The following ZFYVE16 variants were observed in gnomAD, a reference collection of about 807,000 sequenced individuals.
The protein encoded by ZFYVE16 is zinc finger FYVE-type containing 16, also known as zinc finger FYVE domain-containing protein 16.
Under a neutral mutation model 138.1 loss-of-function variants are expected in ZFYVE16, and 89 were observed. That is an observed-to-expected ratio of 0.64 (90% CI 0.54 to 0.77). ZFYVE16 has a LOEUF of 0.77. Among genes scored for constraint, ZFYVE16 ranks in the 30% least tolerant of loss-of-function variants. The probability of loss-of-function intolerance (pLI) is 0.00; values close to 1 mark genes in which losing one functional copy is unlikely to be tolerated. For synonymous variants in ZFYVE16, 596 were observed against 618.3 expected (o/e 0.96, Z 0.53); for missense variants, 1,793 against 1,786.7 (o/e 1.00, Z -0.06).
intron 1 of ZFYVE16, among the ~76,000 whole-genome samples, chr5:80,426,843 G>A (rs1748154350): frequency 6.6e-6 from 1 of 152,002 alleles, no homozygotes; most frequent in Non-Finnish European, 1.5e-5. Flanking sequence ...CTGATTCTAG[G>A]TCTTTGAGGA....
intron 2 of ZFYVE16, among the ~76,000 whole-genome samples, chr5:80,428,127 G>A (rs867429133): frequency 1.3e-5 from 2 of 152,130 alleles, no homozygotes; most frequent in Non-Finnish European, 2.9e-5. Context: ...CCAGCACGGA[G>A]TTTGAGATGT....
Position 80,456,960 on chromosome 5 carries a change from A to C in ZFYVE16, c.3811A>C (p.Asn1271His), listed in dbSNP as rs1294740897. The C allele has an allele frequency of 6.3e-7, 1 of 1,596,954 alleles. No individual in the cohort carries two copies. The highest frequency in any genetic ancestry group is 8.5e-7 in the Non-Finnish European group (1 of 1,175,636). ...KKYSDVMKVLNSSNEHVISIG... is the reference protein window; with the variant it reads ...KKYSDVMKVLHSSNEHVISIG... Reference sequence around the variant, plus strand: ...TTTTTTCCAGGTAATGAAAGTACTAAATTCTTCCAATGAGCATGTCATTAG... The same window carrying C: ...TTTTTTCCAGGTAATGAAAGTACTACATTCTTCCAATGAGCATGTCATTAG... Residue 1271 changes from asparagine to histidine, a missense_variant, in exon 14 of 19, where the codon AAT becomes CAT. Asn to His is a moderately conservative substitution (Grantham distance 68). This residue lies in a region of ZFYVE16 where 498 missense variants were observed against 582.4 expected (regional missense o/e 0.86). Transcript: ENST00000505560.
chr5:80,469,170 A>G (rs1402904937), intron 15 of ZFYVE16, among the ~76,000 whole-genome samples: 2 of 147,176 alleles, frequency 1.4e-5, no homozygotes, highest in Non-Finnish European at 3.0e-5. Flanking sequence ...TGGCATGATC[A>G]TGGCTCACTG....
chr5:80,441,209 T>A, intron 5 of ZFYVE16: 1 of 985,416 alleles, frequency 1.0e-6, no homozygotes, highest in Non-Finnish European at 1.2e-6. Context: ...AAAAAGAAAT[T>A]AAACATCCAT....
intron 1 of ZFYVE16, among the ~76,000 whole-genome samples, chr5:80,409,323 A>G (rs1465778301): frequency 6.6e-6 from 1 of 152,258 alleles, no homozygotes; most frequent in Non-Finnish European, 1.5e-5. Context: ...CCAAATCCGC[A>G]TTAATTATCC....
At position 80,434,102 on chromosome 5, in the gene ZFYVE16, T is replaced by A; in HGVS notation, c.-39-7T>A. ...AATGAAATATTATTATACTTTCTAT[T>A]TTTTAGGCATACAAGAATTAAATTC... On this transcript the variant is annotated splice_polypyrimidine_tract_variant and splice_region_variant and intron_variant, in intron 2 of 18. Coordinates refer to ENST00000505560, the MANE Select transcript of ZFYVE16 (RefSeq NM_001284236.3). 6.5e-7 allele frequency: 1 copy of A among 1,545,022 alleles called. No individual in the cohort carries two copies. The highest frequency in any genetic ancestry group is 8.9e-7 in the Non-Finnish European group (1 of 1,123,380).
Position 80,440,037 on chromosome 5 carries a change from G to T in ZFYVE16, c.2419+5G>T. ...GCTATGAAACTATTAGTAAAGGTGA[G>T]TATTAACTTGATATATTTTCTTCCA... On this transcript the variant is annotated splice_donor_5th_base_variant and intron_variant, in intron 5 of 18. Coordinates refer to ENST00000505560, the MANE Select transcript of ZFYVE16 (RefSeq NM_001284236.3). 1 of 1,595,404 alleles carries T rather than the reference G, an allele frequency of 6.3e-7. No individual in the cohort carries two copies.
In ZFYVE16 at chr5:80,455,755, C is replaced by G; in HGVS notation, c.3671C>G (p.Thr1224Ser). ...RKPLFGEIGHTIMNLLVDLRN... is the reference protein window; with the variant it reads ...RKPLFGEIGHSIMNLLVDLRN... ...CCTCTTTTTGGAGAAATAGGACACA[C>G]TATTATGAACTTACTTGTTGTGAGT... The change falls in exon 12 of 19, where the codon ACT becomes AGT. Residue 1224 changes from threonine to serine, a missense_variant. Coordinates refer to ENST00000505560, the MANE Select transcript of ZFYVE16 (RefSeq NM_001284236.3). 6.3e-7 allele frequency: 1 copy of G among 1,581,588 alleles called. No homozygotes were observed. The highest frequency in any genetic ancestry group is 8.5e-7 in the Non-Finnish European group (1 of 1,171,232).
At chr5:80,459,360 T>C (rs1436180400) in intron 14 of ZFYVE16, 54 bp from the exon 15 acceptor site, 8 of 1,493,684 alleles carry the variant, frequency 5.4e-6, no homozygotes, top group Middle Eastern at 1.7e-4. Context: ...TTAACAAATG[T>C]GTAACATAAA....
At chr5:80,440,657 G>GGTGT (rs141202687) in intron 5 of ZFYVE16, 136,014 of 790,086 alleles carry the variant, frequency 0.17, 3,775 homozygotes, top group Admixed American at 0.27. Context: ...AGTTCTCACA[G>GGTGT]GTGTGTGTGT....
At chr5:80,474,462 G>C (rs1754691074) in intron 17 of ZFYVE16, among the ~76,000 whole-genome samples, 1 of 152,080 alleles carries the variant, frequency 6.6e-6, no homozygotes, top group African/African-American at 2.4e-5. Flanking sequence ...GGCAAAAATT[G>C]CTGAGACATT....
chr5:80,428,498 G>C (rs1748480540), intron 2 of ZFYVE16, among the ~76,000 whole-genome samples: 1 of 152,184 alleles, frequency 6.6e-6, no homozygotes, highest in African/African-American at 2.4e-5. Context: ...AAACCACAAA[G>C]ATGGGGAAAA....
chr5:80,476,496 G>A (rs766339909), intron 18 of ZFYVE16, among the ~76,000 whole-genome samples: 3 of 152,138 alleles, frequency 2.0e-5, no homozygotes, highest in Non-Finnish European at 4.4e-5. Flanking sequence ...CTCTTAACAA[G>A]GAGTGATGAT....
At chr5:80,424,253 A>G (rs1462594919) in intron 1 of ZFYVE16, among the ~76,000 whole-genome samples, 1 of 152,094 alleles carries the variant, frequency 6.6e-6, no homozygotes, top group Non-Finnish European at 1.5e-5. Flanking sequence ...ACTGTCCCTT[A>G]AACAGTGCTT....
Position 80,448,150 on chromosome 5 carries a change from T to C in ZFYVE16, c.2849T>C (p.Leu950Ser). Residue 950 changes from leucine (L) to serine (S), a missense_variant, in exon 8 of 19, where the codon TTG (leucine) becomes TCG (serine). Physicochemically the swap from Leu to Ser is moderately radical, Grantham distance 145. Around this residue, in one of 2 missense-constraint regions of ZFYVE16, gnomAD observed 1,295 missense variants for 1,204.3 expected, o/e 1.08. Coordinates refer to ENST00000505560, the MANE Select transcript of ZFYVE16 (RefSeq NM_001284236.3). The part of the protein sequence containing the change: ...PISQVPSVEK[L>S]SMNTGNEGLP... ...TCTCAGGTTCCATCAGTGGAAAAAT[T>C]GTCTATGAACACAGGAAATGAGGGG... 6.2e-7 allele frequency: 1 copy of C among 1,614,012 alleles called. No individual in the cohort carries two copies. The highest frequency in any genetic ancestry group is 8.5e-7 in the Non-Finnish European group (1 of 1,179,956).
At chr5:80,465,424 T>TTTTTTTTTTTTTC (rs1753636729) in intron 15 of ZFYVE16, among the ~76,000 whole-genome samples, 1 of 136,248 alleles carries the variant, frequency 7.3e-6, no homozygotes, top group East Asian at 2.1e-4. Flanking sequence ...TTTTTTTTTT[T>TTTTTTTTTTTTTC]GAGACAGGAT....
rs1580223133 is a variant in ZFYVE16, at chr5:80,438,878, C to G, written c.2193C>G (p.Cys731Trp). The G allele has an allele frequency of 3.1e-6, 5 of 1,614,008 alleles. No homozygotes were observed. The highest frequency in any genetic ancestry group is 3.3e-4 in the Middle Eastern group (2 of 6,062). The change falls in exon 4 of 19, where the codon TGC becomes TGG. Residue 731 changes from cysteine (C) to tryptophan (W), a missense_variant. By Grantham distance (215) the Cys-to-Trp change is radical. This residue lies in a region of ZFYVE16 where 1,295 missense variants were observed against 1,204.3 expected (regional missense o/e 1.08). Coordinates refer to ENST00000505560, the MANE Select transcript of ZFYVE16 (RefSeq NM_001284236.3). ...AAGATTCTGTACCTGAAAACACTTGCAAAGAAGGCTTGGTTTTGGGCCAGA... is the reference window on the plus strand; with the variant it reads ...AAGATTCTGTACCTGAAAACACTTGGAAAGAAGGCTTGGTTTTGGGCCAGA... The part of the protein sequence containing the change: ...ANEDSVPENT[C>W]KEGLVLGQKQ...
At chr5:80,455,066 C>G (rs1404324273) in intron 11 of ZFYVE16, 1 of 152,212 alleles carries the variant, frequency 6.6e-6, no homozygotes, top group Non-Finnish European at 1.5e-5. Flanking sequence ...AAATCTGTTT[C>G]ACCAATTATT....
intron 6 of ZFYVE16, among the ~76,000 whole-genome samples, chr5:80,444,336 A>G (rs1001207873): frequency 8.5e-5 from 13 of 152,276 alleles, no homozygotes; most frequent in Non-Finnish European, 1.8e-4. Context: ...TTGCAAATAC[A>G]AGAAAGATAT....
Sources: gnomAD v4.1 joint callset for allele counts (sites outside exome capture counted in the v4.1 genomes callset) on GRCh38, gnomAD v4.1.1 for gene constraint, gnomAD v4.1.1 regional missense constraint, MANE v1.5 for transcripts, NCBI Gene and HGNC (gene_info 2026-07-23, HGNC 2026-07-21) for gene names.